Variants in NRG2 observed in about 807,000 individuals in gnomAD.
The protein encoded by NRG2 is neuregulin 2.
Under a neutral mutation model 73.9 loss-of-function variants are expected in NRG2, and 27 were observed. The ratio of observed to expected loss-of-function variants is 0.37; its 90% CI spans 0.27 to 0.50. NRG2 has a LOEUF of 0.50. Among genes scored for constraint, NRG2 ranks in the 20% least tolerant of loss-of-function variants. NRG2 has a pLI of 0.96. For synonymous variants in NRG2, 532 were observed against 541.0 expected, an observed-to-expected ratio of 0.98 and a Z score of 0.23; for missense variants, 1,126 against 1,210.1, an observed-to-expected ratio of 0.93 and a Z score of 1.03.
intron 1 of NRG2, among the ~76,000 whole-genome samples, chr5:139,984,123 C>A (rs1311567651): frequency 1.3e-5 from 2 of 152,072 alleles, no homozygotes; most frequent in Non-Finnish European, 2.9e-5. Flanking sequence ...GCTTTACATT[C>A]TGGCACAGTA....
chr5:140,007,927 C>T (rs529020169), intron 1 of NRG2, among the ~76,000 whole-genome samples: 6 of 152,328 alleles, frequency 3.9e-5, no homozygotes, highest in South Asian at 4.1e-4. Context: ...GCCCAACTCA[C>T]ACAGCTATGG....
At chr5:139,934,028 G>A (rs565747933) in intron 1 of NRG2, among the ~76,000 whole-genome samples, 6 of 152,146 alleles carry the variant, frequency 3.9e-5, no homozygotes, top group South Asian at 4.2e-4. Flanking sequence ...GAGAAACCTC[G>A]TCTCTTCAAA....
At chr5:139,882,181 C>G (rs1763565304) in intron 2 of NRG2, among the ~76,000 whole-genome samples, 1 of 152,054 alleles carries the variant, frequency 6.6e-6, no homozygotes, top group Non-Finnish European at 1.5e-5. Context: ...TTGCCCTGAG[C>G]CTAGGGGATG....
Position 139,865,773 on chromosome 5 carries a change from C to T in NRG2, c.1113-148G>A, listed in dbSNP as rs1762436027. On this transcript the variant is annotated intron_variant, in intron 4 of 9. Transcript: ENST00000361474. The surrounding 1 kb of genome is among the most constrained non-coding windows in gnomAD (Gnocchi z 5.2). ...GTAGCTGAAGGGACTGGAGTCAGGG[C>T]TGGGTGGAGGGCTCTGAAATCTCCT... The T allele has an allele frequency of 2.0e-6, 1 of 502,596 alleles. No individual in the cohort carries two copies. Among genetic ancestry groups the T allele is most frequent in the Non-Finnish European group, 3.5e-6 (1 of 288,274 alleles). 31.1% of individuals were successfully genotyped at this position (502,596 alleles called of 1,614,324 possible).
intron 3 of NRG2, among the ~76,000 whole-genome samples, chr5:139,874,765 C>T (rs1295876248): frequency 6.6e-6 from 1 of 152,194 alleles, no homozygotes; most frequent in Non-Finnish European, 1.5e-5. Context: ...CTGGGCTTCA[C>T]CACCTCTCCC....
At chr5:139,989,045 A>G (rs562118413) in intron 1 of NRG2, among the ~76,000 whole-genome samples, 13 of 152,184 alleles carry the variant, frequency 8.5e-5, no homozygotes, top group Admixed American at 7.2e-4. Flanking sequence ...AGGTACAAGG[A>G]TGTTCATTTT....
intron 1 of NRG2, among the ~76,000 whole-genome samples, chr5:139,929,301 C>T (rs1051941867): frequency 2.6e-5 from 4 of 152,208 alleles, no homozygotes; most frequent in African/African-American, 9.7e-5. Context: ...TCTAAACCTA[C>T]CCATTCCTAA....
chr5:140,019,745 A>G (rs1760074787), intron 1 of NRG2, among the ~76,000 whole-genome samples: 2 of 152,212 alleles, frequency 1.3e-5, no homozygotes, highest in South Asian at 4.1e-4. Flanking sequence ...GTGAGACTCA[A>G]ATAAGTAATG....
chr5:139,865,774 T>G lies in NRG2; in HGVS notation c.1113-149A>C. The G allele has an allele frequency of 5.6e-6, 3 of 538,838 alleles. No homozygotes were observed. Among genetic ancestry groups the G allele is most frequent in the Non-Finnish European group, 9.6e-6 (3 of 311,928 alleles). The allele number at this position is 538,838 out of a possible 1,614,324, so 33.4% of individuals were successfully genotyped here. On this transcript the variant is annotated intron_variant, in intron 4 of 9. Transcript: ENST00000361474. This position sits in a 1 kb window ranked among gnomAD's most constrained non-coding sequence, Gnocchi z 5.2. ...TAGCTGAAGGGACTGGAGTCAGGGC[T>G]GGGTGGAGGGCTCTGAAATCTCCTT...
chr5:139,934,013 A>G (rs1752664484), intron 1 of NRG2, among the ~76,000 whole-genome samples: 1 of 152,150 alleles, frequency 6.6e-6, no homozygotes, highest in African/African-American at 2.4e-5. Context: ...AGCCTGGAAA[A>G]CATGGAGAAA....
At chr5:140,024,550 C>T (rs928374227) in intron 1 of NRG2, among the ~76,000 whole-genome samples, 3 of 152,226 alleles carry the variant, frequency 2.0e-5, no homozygotes, top group Admixed American at 2.0e-4. Context: ...CCACCGCCCC[C>T]GGCCAGAGTA....
chr5:139,942,353 T>C (rs1192126877), intron 1 of NRG2, among the ~76,000 whole-genome samples: 1 of 152,246 alleles, frequency 6.6e-6, no homozygotes, highest in Non-Finnish European at 1.5e-5. Context: ...AAACATTTTA[T>C]GTTTTCATAA....
chr5:139,945,225 G>A (rs1015281907), intron 1 of NRG2, among the ~76,000 whole-genome samples: 7 of 151,982 alleles, frequency 4.6e-5, no homozygotes, highest in Non-Finnish European at 7.4e-5. Flanking sequence ...TCTATTGATT[G>A]TTTCCTTTGA....
At chr5:139,997,544 TG>T (rs1402417008) in intron 1 of NRG2, among the ~76,000 whole-genome samples, 2 of 152,234 alleles carry the variant, frequency 1.3e-5, no homozygotes, top group African/African-American at 4.8e-5. Context: ...AATACAGGTC[TG>T]CCCCCAAAGG....
intron 1 of NRG2, among the ~76,000 whole-genome samples, chr5:140,018,374 T>C (rs1183048045): frequency 6.6e-6 from 1 of 152,166 alleles, no homozygotes; most frequent in African/African-American, 2.4e-5. Flanking sequence ...GGGATGGGTG[T>C]GTTAGCAGGG....
chr5:139,861,229 C>T (rs753604238), intron 5 of NRG2, among the ~76,000 whole-genome samples: 5 of 152,218 alleles, frequency 3.3e-5, no homozygotes, highest in South Asian at 2.1e-4. Flanking sequence ...CCTGGATTGG[C>T]TCACTCTCTG....
At chr5:140,021,916 C>A in intron 1 of NRG2, among the ~76,000 whole-genome samples, 1 of 152,182 alleles carries the variant, frequency 6.6e-6, no homozygotes, top group East Asian at 1.9e-4. Flanking sequence ...TACAGTCAGA[C>A]CTCCAGGAGT....
intron 5 of NRG2, among the ~76,000 whole-genome samples, chr5:139,857,027 C>T (rs1214505782): frequency 6.6e-6 from 1 of 152,216 alleles, no homozygotes; most frequent in Non-Finnish European, 1.5e-5. Context: ...CATCACTCCT[C>T]TGAGACTACC....
rs918408620 is a variant in NRG2, at chr5:139,869,222, C to A, written c.1112+2499G>T. On this transcript the variant is annotated intron_variant, in intron 4 of 9. Coordinates refer to ENST00000361474, the MANE Select transcript of NRG2 (RefSeq NM_004883.3). This position sits in a 1 kb window ranked among gnomAD's most constrained non-coding sequence, Gnocchi z 4.5. The stretch of plus-strand genomic sequence containing the variant: ...TGTGCCTGCTTTCCAACACTCCCTG[C>A]AGGGCTCTGAACCAATACACAACAA... Among the ~76,000 whole-genome samples, 7 of 152,012 alleles carry A rather than the reference C, an allele frequency of 4.6e-5. No individual in the cohort carries two copies. Among genetic ancestry groups the A allele is most frequent in the Admixed American group, 4.6e-4 (7 of 15,274 alleles).
Sources: allele counts gnomAD v4.1 joint callset (sites outside exome capture counted in the v4.1 genomes callset), GRCh38; gene constraint gnomAD v4.1.1; non-coding constraint Gnocchi (gnomAD v3.1); transcripts MANE v1.5; gene names NCBI Gene and HGNC (gene_info 2026-07-23, HGNC 2026-07-21).